The following RAPGEF1 variants were observed in gnomAD, a reference collection of about 807,000 sequenced individuals.
RAPGEF1 encodes CRK SH3-binding GNRP.
RAPGEF1 carries 33 observed loss-of-function variants against 143.3 expected under a neutral mutation model. The ratio of observed to expected loss-of-function variants is 0.23; its 90% CI spans 0.17 to 0.31. The LOEUF (loss-of-function observed/expected upper bound fraction) is 0.31, where lower values mean the gene tolerates loss of function less well. RAPGEF1 is among the 10% of genes least tolerant of loss of function. The pLI is 1.00. For missense variants in RAPGEF1, 1,199 were observed against 1,645.4 expected (o/e 0.73, Z 4.69); for synonymous variants, 629 against 676.5 (o/e 0.93, Z 1.09).
rs528896996 is a variant in RAPGEF1, at chr9:131,622,719, C to T, written c.1703-721G>A. 3.0e-4 allele frequency among the ~76,000 whole-genome samples: 46 copies of T among 151,814 alleles called. 1 individual carries two copies. The highest frequency in any genetic ancestry group is 1.1e-3 in the Admixed American group (17 of 15,278). ...AGAAATGGTTCCCCTCTGAGGTCAGCTGCTGCTACTGAAAGGGCAGCTCAC... is the reference window on the plus strand; with the variant it reads ...AGAAATGGTTCCCCTCTGAGGTCAGTTGCTGCTACTGAAAGGGCAGCTCAC... On this transcript the variant is annotated intron_variant, in intron 10 of 26. Coordinates refer to ENST00000683357, the MANE Select transcript of RAPGEF1 (RefSeq NM_001377935.1).
At position 131,626,201 on chromosome 9, in the gene RAPGEF1, C is replaced by G. The variant is rs376162862; in HGVS notation, c.1423G>C (p.Glu475Gln). ...GAGGCTGCGCTCCTGCGCTTCTTCT[C>G]GGGGAGAGCAGGTGGCGTATCTGTC... ...QQTDTPPALP[E>Q]KKRRSAASQT... The change falls in exon 10 of 27, where the codon GAG (glutamate) becomes CAG (glutamine). Residue 475 changes from glutamate to glutamine, a missense_variant. By Grantham distance (29) the Glu-to-Gln change is conservative (BLOSUM62 2). This residue lies in a region of RAPGEF1 where 613 missense variants were observed against 710.9 expected (regional missense o/e 0.86). Transcript: ENST00000683357. 6.2e-7 allele frequency: 1 copy of G among 1,613,868 alleles called. No homozygotes were observed. The highest frequency in any genetic ancestry group is 2.2e-5 in the East Asian group (1 of 44,872).
At chr9:131,634,439 G>A (rs1365062675) in intron 5 of RAPGEF1, among the ~76,000 whole-genome samples, 4 of 151,970 alleles carry the variant, frequency 2.6e-5, no homozygotes, top group African/African-American at 4.8e-5. Flanking sequence ...TAGGTCGGGC[G>A]CGGTGGTTCA....
chr9:131,643,620 CA>C (rs1968685157), intron 3 of RAPGEF1, among the ~76,000 whole-genome samples: 1 of 152,112 alleles, frequency 6.6e-6, no homozygotes. Context: ...GGGCTTGGAC[CA>C]AGATAGCTCA....
chr9:131,614,188 G>A (rs961566834), intron 12 of RAPGEF1, among the ~76,000 whole-genome samples: 5 of 151,854 alleles, frequency 3.3e-5, no homozygotes, highest in South Asian at 4.2e-4. Context: ...TCCCACCCCC[G>A]GCTACCGGGT....
intron 1 of RAPGEF1, chr9:131,709,608 G>C (rs61010506): frequency 6.2e-7 from 1 of 1,613,066 alleles, no homozygotes; most frequent in Non-Finnish European, 8.5e-7. Flanking sequence ...AGGAAGCCCA[G>C]GGCTTTCTTA....
chr9:131,705,047 G>T (rs1834946804), intron 1 of RAPGEF1, among the ~76,000 whole-genome samples: 1 of 152,182 alleles, frequency 6.6e-6, no homozygotes, highest in Admixed American at 6.5e-5. Flanking sequence ...TCATTCTCCA[G>T]TGTTACTACT....
chr9:131,674,862 C>G (rs186728976), intron 1 of RAPGEF1, among the ~76,000 whole-genome samples: 1 of 152,094 alleles, frequency 6.6e-6, no homozygotes, highest in Non-Finnish European at 1.5e-5. Context: ...GCATCGCTAC[C>G]GAGGTCAGGG....
At chr9:131,615,258 T>C (rs1209914065) in intron 12 of RAPGEF1, among the ~76,000 whole-genome samples, 3 of 152,188 alleles carry the variant, frequency 2.0e-5, no homozygotes, top group African/African-American at 7.2e-5. Context: ...GTATTTTCAG[T>C]AGAGCCGGGG....
intron 1 of RAPGEF1, among the ~76,000 whole-genome samples, chr9:131,701,826 C>T (rs762561008): frequency 5.3e-5 from 8 of 152,208 alleles, no homozygotes; most frequent in Non-Finnish European, 1.2e-4. Flanking sequence ...TCTTCATTGG[C>T]AAAATTAGGG....
At chr9:131,674,016 A>C (rs1564675612) in intron 1 of RAPGEF1, among the ~76,000 whole-genome samples, 1 of 152,190 alleles carries the variant, frequency 6.6e-6, no homozygotes, top group Admixed American at 6.5e-5. Context: ...TGGGTCTCTA[A>C]ACTCTGTAAA....
chr9:131,682,712 G>T (rs1833018855), intron 1 of RAPGEF1, among the ~76,000 whole-genome samples: 1 of 152,142 alleles, frequency 6.6e-6, no homozygotes, highest in Non-Finnish European at 1.5e-5. Flanking sequence ...GGAGGATTTG[G>T]AAGCACAAAT....
rs576614633 is a variant in RAPGEF1 at position 131,580,686 on chromosome 9, A to C, written c.3513-295T>G. On this transcript the variant is annotated intron_variant, in intron 25 of 26. Coordinates refer to ENST00000683357, the MANE Select transcript of RAPGEF1 (RefSeq NM_001377935.1). The stretch of plus-strand genomic sequence containing the variant: ...GGCGAAGCTGTGGGCTGCTAAAGTA[A>C]CATTAACAAATGAGCAGTAAAAAAA... 3.3e-5 allele frequency among the ~76,000 whole-genome samples: 5 copies of C among 152,232 alleles called. No individual in the cohort carries two copies. The East Asian group carries it at 9.6e-4, about 29-fold the overall frequency.
intron 15 of RAPGEF1, among the ~76,000 whole-genome samples, chr9:131,600,375 C>G (rs563578668): frequency 7.9e-5 from 12 of 152,270 alleles, no homozygotes; most frequent in African/African-American, 2.9e-4. Flanking sequence ...GCTGCATTTG[C>G]TTGGCCCACA....
intron 1 of RAPGEF1, among the ~76,000 whole-genome samples, chr9:131,685,505 A>G (rs1208907897): frequency 3.9e-5 from 6 of 152,222 alleles, no homozygotes; most frequent in Admixed American, 1.3e-4. Flanking sequence ...AAACAATAAC[A>G]TGAGCGATCT....
At chr9:131,663,239 A>G (rs937554379) in intron 1 of RAPGEF1, among the ~76,000 whole-genome samples, 1 of 152,206 alleles carries the variant, frequency 6.6e-6, no homozygotes, top group Non-Finnish European at 1.5e-5. Context: ...TTCTTTCTCT[A>G]TCACAGAAAC....
chr9:131,685,713 CCT>C (rs1292295010), intron 1 of RAPGEF1, among the ~76,000 whole-genome samples: 1 of 152,152 alleles, frequency 6.6e-6, no homozygotes, highest in African/African-American at 2.4e-5. Flanking sequence ...CTGTGAGACC[CCT>C]GATTTCCCAC....
At chr9:131,582,725 GA>G in intron 24 of RAPGEF1, 23 bp from the exon 25 acceptor site, 1 of 1,549,426 alleles carries the variant, frequency 6.5e-7, no homozygotes, top group Non-Finnish European at 8.7e-7. Flanking sequence ...GACAGGACAG[GA>G]CCGGACAGGG....
At chr9:131,663,095 C>G (rs1255147716) in intron 1 of RAPGEF1, among the ~76,000 whole-genome samples, 1 of 152,010 alleles carries the variant, frequency 6.6e-6, no homozygotes, top group Non-Finnish European at 1.5e-5. Flanking sequence ...GCCCGCTTTC[C>G]AAAGTTATAT....
At chr9:131,601,971 A>AG in intron 15 of RAPGEF1, 90 bp downstream of exon 15, 1 of 888,054 alleles carries the variant, frequency 1.1e-6, no homozygotes. Flanking sequence ...CCTCAGGCCT[A>AG]GGGGCTAGCT....
Sources: gnomAD v4.1 joint callset for allele counts (sites outside exome capture counted in the v4.1 genomes callset) on GRCh38, gnomAD v4.1.1 for gene constraint, gnomAD v4.1.1 regional missense constraint, MANE v1.5 for transcripts, NCBI Gene and HGNC (gene_info 2026-07-23, HGNC 2026-07-21) for gene names.